The following LITAF variants were observed in gnomAD, a reference collection of about 807,000 sequenced individuals.
LITAF encodes lipopolysaccharide induced TNF factor, also known as lipopolysaccharide-induced tumor necrosis factor-alpha factor.
Under a neutral mutation model 14.5 loss-of-function variants are expected in LITAF, and 9 were observed. The observed-to-expected ratio is 0.62, with a 90% CI of 0.37 to 1.08. The LOEUF (loss-of-function observed/expected upper bound fraction) is 1.08. LITAF is among the 50% of genes least tolerant of loss of function. The pLI, the probability that LITAF is intolerant of heterozygous loss-of-function variation, is 0.01. For synonymous variants in LITAF, 98 were observed against 88.2 expected (o/e 1.11, Z -0.62); for missense variants, 206 against 213.4 (o/e 0.97, Z 0.22).
chr16:11,580,823 G>A lies in LITAF; in HGVS notation c.-6+6063C>T, dbSNP rs542646217. On this transcript the variant is annotated intron_variant, in intron 1 of 3. Transcript: ENST00000622633. The stretch of plus-strand genomic sequence containing the variant: ...TCTGTCACTCAGGCGGGAGTGCGGT[G>A]GCACTATCTCGGCTCACTGCAGCCT... Among the ~76,000 whole-genome samples, 57 of 152,200 alleles carry A rather than the reference G, an allele frequency of 3.7e-4. 1 individual carries two copies. The highest frequency in any genetic ancestry group is 7.4e-4 in the Non-Finnish European group (50 of 68,012).
intron 1 of LITAF, among the ~76,000 whole-genome samples, chr16:11,579,920 G>C (rs2064707170): frequency 6.6e-6 from 1 of 152,182 alleles, no homozygotes; most frequent in African/African-American, 2.4e-5. Flanking sequence ...CATATATTGA[G>C]CTGATTATTC....
At chr16:11,620,829 G>A (rs1336220073) in intron 3 of LITAF, among the ~76,000 whole-genome samples, 1 of 152,210 alleles carries the variant, frequency 6.6e-6, no homozygotes, top group Non-Finnish European at 1.5e-5. Context: ...GCACTGTCAT[G>A]GCCCTGCCCA....
chr16:11,577,623 T>C (rs1255215423), intron 1 of LITAF, among the ~76,000 whole-genome samples: 1 of 152,022 alleles, frequency 6.6e-6, no homozygotes, highest in Non-Finnish European at 1.5e-5. Flanking sequence ...TGGCCAGAAG[T>C]GTCTATTTTT....
chr16:11,595,942 C>G (rs1291120771), intron 1 of LITAF, among the ~76,000 whole-genome samples: 2 of 152,060 alleles, frequency 1.3e-5, no homozygotes, highest in Non-Finnish European at 2.9e-5. Flanking sequence ...AACTAGGCAT[C>G]CTGGGTTCCA....
intron 1 of LITAF, among the ~76,000 whole-genome samples, chr16:11,574,175 A>G (rs1396653745): frequency 6.6e-6 from 1 of 151,738 alleles, no homozygotes; most frequent in East Asian, 1.9e-4. Flanking sequence ...CAGAGCAGCT[A>G]GAACTACAGG....
Position 11,549,795 on chromosome 16 carries a change from G to A in LITAF, c.378-50C>T. ...AGCGCGTTACTGATCACAACAGGGT[G>A]AACACTGGCTGCCAAAACCATGTTC... On this transcript the variant is annotated intron_variant, in intron 3 of 3. Transcript: ENST00000622633. This position sits in a 1 kb window ranked among gnomAD's most constrained non-coding sequence, Gnocchi z 4.6. 1 of 1,430,436 alleles carries A rather than the reference G, an allele frequency of 7.0e-7. No homozygotes were observed. Among genetic ancestry groups the A allele is most frequent in the African/African-American group, 1.4e-5 (1 of 71,246 alleles). 88.6% of individuals were successfully genotyped at this position (1,430,436 alleles called of 1,614,324 possible).
At chr16:11,637,897 ACT>A (rs2065144472), upstream of LITAF, among the ~76,000 whole-genome samples, 5 of 39,866 alleles carry the variant, frequency 1.3e-4, 1 homozygote, top group African/African-American at 4.2e-4. Flanking sequence ...AAAAAAAAAA[ACT>A]ATATATATAT....
At chr16:11,593,354 CAAAAAAAAAA>C (rs57678584) in intron 1 of LITAF, among the ~76,000 whole-genome samples, 23 of 54,752 alleles carry the variant, frequency 4.2e-4, no homozygotes, top group African/African-American at 1.6e-3. Context: ...AACTCTGTCT[CAAAAAAAAAA>C]AAAAAAAAAA....
At chr16:11,565,330 G>T (rs1489932307) in intron 1 of LITAF, among the ~76,000 whole-genome samples, 1 of 151,716 alleles carries the variant, frequency 6.6e-6, no homozygotes, top group Non-Finnish European at 1.5e-5. Flanking sequence ...TGATCCACCT[G>T]CCTCAGCCGC....
intron 3 of LITAF, among the ~76,000 whole-genome samples, chr16:11,627,059 C>T (rs1241692055): frequency 3.3e-5 from 5 of 152,088 alleles, no homozygotes; most frequent in Non-Finnish European, 2.9e-5. Flanking sequence ...CGGGTGTGGA[C>T]GGCCTCTCTT....
rs1444450967 is a variant in LITAF, at chr16:11,548,539, CA to C, written c.*1097del. 6.6e-6 allele frequency: 3 copies of C among 453,666 alleles called. No homozygotes were observed. Among genetic ancestry groups the C allele is most frequent in the African/African-American group, 2.0e-5 (1 of 49,904 alleles). The allele number at this position is 453,666 out of a possible 1,614,324, so 28.1% of individuals were successfully genotyped here. On this transcript the variant is annotated 3_prime_UTR_variant, in exon 4 of 4. Coordinates refer to ENST00000622633, the MANE Select transcript of LITAF (RefSeq NM_001136472.2). ...TTCCATGATGAAGGTGTTTAAGAAT[CA>C]CATTAACCCCAAGTAAAGGCAGTAG... is the stretch of plus-strand genomic sequence containing the variant.
chr16:11,577,554 G>A (rs1263467433), intron 1 of LITAF, among the ~76,000 whole-genome samples: 6 of 152,082 alleles, frequency 3.9e-5, no homozygotes, highest in Admixed American at 3.3e-4. Flanking sequence ...ATGACCTCAA[G>A]TGATCTACCC....
chr16:11,558,678 A>G lies in LITAF; in HGVS notation c.-5-1943T>C, dbSNP rs1253259720. 6.6e-6 allele frequency among the ~76,000 whole-genome samples: 1 copy of G among 152,172 alleles called. No homozygotes were observed. The highest frequency in any genetic ancestry group is 1.5e-5 in the Non-Finnish European group (1 of 68,024). On this transcript the variant is annotated intron_variant, in intron 1 of 3. Coordinates refer to ENST00000622633, the MANE Select transcript of LITAF (RefSeq NM_001136472.2). The surrounding 1 kb of genome is among the most constrained non-coding windows in gnomAD (Gnocchi z 4.1). ...AGCCATGATCACTCCACTGCACTCC[A>G]GCCTGGGAAACAGAGCGAGACTCTG...
At chr16:11,639,067 G>GGGAT (rs571275518), upstream of LITAF, among the ~76,000 whole-genome samples, 21 of 152,116 alleles carry the variant, frequency 1.4e-4, no homozygotes, top group East Asian at 2.3e-3. Context: ...GAGGGATAGA[G>GGGAT]GGATGGATGG....
chr16:11,602,760 CAAAAAAA>C (rs35880448), upstream of LITAF, among the ~76,000 whole-genome samples: 19 of 114,226 alleles, frequency 1.7e-4, no homozygotes, highest in African/African-American at 5.6e-4. Context: ...TGGCTTGTTG[CAAAAAAA>C]AAAAAAAAAA....
chr16:11,616,591 G>A (rs1215393546), intron 3 of LITAF, among the ~76,000 whole-genome samples: 1 of 152,004 alleles, frequency 6.6e-6, no homozygotes, highest in Non-Finnish European at 1.5e-5. Context: ...TAGAAGCTCT[G>A]TCAGGTACGT....
intron 3 of LITAF, chr16:11,551,920 C>A: frequency 2.7e-6 from 1 of 369,230 alleles, no homozygotes; most frequent in Non-Finnish European, 4.9e-6. Context: ...AGGCAATGGA[C>A]TTTTTTTTTT....
chr16:11,628,009 CAAAAAAAAAAAA>C (rs34480494), intron 3 of LITAF, among the ~76,000 whole-genome samples: 2 of 54,752 alleles, frequency 3.7e-5, no homozygotes, highest in African/African-American at 9.8e-5. Flanking sequence ...GAGACTCTGT[CAAAAAAAAAAAA>C]AAAAAAAAAA....
At chr16:11,604,262 A>G (rs2064943142) in intron 3 of LITAF, among the ~76,000 whole-genome samples, 1 of 152,182 alleles carries the variant, frequency 6.6e-6, no homozygotes, top group African/African-American at 2.4e-5. Context: ...TGCTTGGTGG[A>G]TTTTAACTTG....
Sources: allele counts gnomAD v4.1 joint callset (sites outside exome capture counted in the v4.1 genomes callset), GRCh38; gene constraint gnomAD v4.1.1; non-coding constraint Gnocchi (gnomAD v3.1); transcripts MANE v1.5; gene names NCBI Gene and HGNC (gene_info 2026-07-23, HGNC 2026-07-21).